Variants in ZPLD1 observed in about 807,000 individuals in gnomAD.
ZPLD1 encodes zona pellucida-like domain-containing protein 1.
In ZPLD1, 34 loss-of-function variants were observed where a neutral mutation model predicts 47.2. That is an observed-to-expected ratio of 0.72 (90% CI 0.55 to 0.96). The LOEUF (loss-of-function observed/expected upper bound fraction) is 0.96. Ranked by LOEUF, ZPLD1 falls within the 40% of genes least tolerant of loss-of-function variation. The pLI is 0.00. For missense variants in ZPLD1, 512 were observed against 505.8 expected (o/e 1.01, Z -0.12); for synonymous variants, 176 against 186.2 (o/e 0.95, Z 0.45).
At chr3:102,392,553 TTCC>T (rs1276203499) in intron 7 of ZPLD1, among the ~76,000 whole-genome samples, 10 of 130,732 alleles carry the variant, frequency 7.6e-5, no homozygotes, top group South Asian at 2.4e-4. Context: ...CCTCCCTTCC[TTCC>T]TCCTTCCTCC....
At chr3:102,452,114 CGTGTGTGTGTGTGT>C (rs56086826) in intron 3 of ZPLD1, among the ~76,000 whole-genome samples, 21,094 of 141,772 alleles carry the variant, frequency 0.15, 1,952 homozygotes, top group Middle Eastern at 0.24. Context: ...ATATGAAGAC[CGTGTGTGTGTGTGT>C]GTGTGTGTGT....
At position 102,386,097 on chromosome 3, in the gene ZPLD1, T is replaced by A. The variant is rs773277481; in HGVS notation, c.-213+780T>A. On this transcript the variant is annotated intron_variant, in intron 6 of 17. Coordinates refer to the ZPLD1 transcript ENST00000491959. Reference sequence around the variant, plus strand: ...CATTTTCTCCACTCCTTGACTGATTTTTTTTCTCCCAATGCAAAACACATA... The same window carrying A: ...CATTTTCTCCACTCCTTGACTGATTATTTTTCTCCCAATGCAAAACACATA... Among the ~76,000 whole-genome samples, 39 of 152,164 alleles carry A rather than the reference T, an allele frequency of 2.6e-4. 1 individual carries two copies. The highest frequency in any genetic ancestry group is 1.0e-4 in the Non-Finnish European group (7 of 68,024).
At chr3:102,436,728 G>C (rs1012092461) in intron 1 of ZPLD1, 132 bp from the exon 2 acceptor site, 1 of 219,548 alleles carries the variant, frequency 4.6e-6, no homozygotes, top group African/African-American at 2.3e-5. Context: ...CTGGCACAAA[G>C]TGCCTTCTTT....
intron 7 of ZPLD1, among the ~76,000 whole-genome samples, chr3:102,401,478 A>T (rs190633015): frequency 6.6e-6 from 1 of 152,082 alleles, no homozygotes; most frequent in Non-Finnish European, 1.5e-5. Context: ...CTCACAGATT[A>T]TGGGCACTCA....
rs987855419 is a variant in ZPLD1, at chr3:102,477,597, A to G, written c.1227A>G (p.Ile409Met). ...CCACAAGTTTAGTGTTGAATGGCAT[A>G]AGAAACCCAGTCTTTGACTGACTAT... The part of the protein sequence containing the change: ...KGPTSLVLNG[I>M]RNPVFD The change falls in exon 12 of 12, where the codon ATA becomes ATG. Residue 409 changes from isoleucine (I) to methionine (M), a missense_variant. Physicochemically the swap from Ile to Met is conservative, Grantham distance 10. Transcript: ENST00000466937. The G allele has an allele frequency of 6.2e-6, 10 of 1,612,928 alleles. No homozygotes were observed. Among genetic ancestry groups the G allele is most frequent in the Admixed American group, 3.3e-5 (2 of 59,848 alleles).
At chr3:102,418,910 T>A (rs1049518624) in intron 8 of ZPLD1, among the ~76,000 whole-genome samples, 3 of 152,066 alleles carry the variant, frequency 2.0e-5, no homozygotes, top group Admixed American at 6.6e-5. Context: ...ATTTCTTGGG[T>A]GATCTCTAAG....
intron 7 of ZPLD1, among the ~76,000 whole-genome samples, chr3:102,407,824 A>G (rs1161058042): frequency 1.3e-5 from 2 of 151,720 alleles, no homozygotes; most frequent in African/African-American, 2.4e-5. Context: ...AGTTATGATT[A>G]TTTATTTATA....
chr3:102,409,786 G>A (rs1439635832), intron 7 of ZPLD1, among the ~76,000 whole-genome samples: 1 of 151,782 alleles, frequency 6.6e-6, no homozygotes, highest in Non-Finnish European at 1.5e-5. Flanking sequence ...GCCTTACCTT[G>A]ATTTCAAGGT....
Position 102,462,357 on chromosome 3 carries a change from A to G in ZPLD1, c.659A>G (p.Gln220Arg). 6.2e-7 allele frequency: 1 copy of G among 1,610,024 alleles called. No individual in the cohort carries two copies. The change falls in exon 7 of 12, where the codon CAA (glutamine) becomes CGA (arginine). Residue 220 changes from glutamine (Q) to arginine (R), a missense_variant. Coordinates refer to ENST00000466937, the MANE Select transcript of ZPLD1 (RefSeq NM_001329788.2). The stretch of plus-strand genomic sequence containing the variant: ...AAAACCAAAGTATTTGCAGCTGTCC[A>G]AGCCACTAATTTGGATGGCAGGTAA... ...PLKTKVFAAVQATNLDGRWNV... is the reference protein window; with the variant it reads ...PLKTKVFAAVRATNLDGRWNV...
intron 1 of ZPLD1, among the ~76,000 whole-genome samples, 180 bp from the exon 2 acceptor site, chr3:102,436,680 T>C (rs73146598): frequency 6.6e-6 from 1 of 152,352 alleles, no homozygotes; most frequent in Non-Finnish European, 1.5e-5. Flanking sequence ...TCACCCATCA[T>C]TATAAAAAAT....
intron 2 of ZPLD1, 128 bp from the exon 3 acceptor site, chr3:102,438,352 G>C (rs192926395): frequency 4.0e-5 from 24 of 600,156 alleles, no homozygotes; most frequent in Non-Finnish European, 7.0e-5. Context: ...CAGTTATTTC[G>C]TGAGCTTTGG....
intron 7 of ZPLD1, among the ~76,000 whole-genome samples, chr3:102,394,813 G>A (rs138730954): frequency 3.0e-3 from 461 of 152,230 alleles, no homozygotes; most frequent in African/African-American, 0.01. Flanking sequence ...GTACAATATG[G>A]AAAGAAATTG....
At chr3:102,461,075 CT>C (rs1305386008) in intron 6 of ZPLD1, among the ~76,000 whole-genome samples, 2 of 151,824 alleles carry the variant, frequency 1.3e-5, no homozygotes, top group East Asian at 1.9e-4. Flanking sequence ...TTCGTATTAA[CT>C]TTTTTTCCAA....
chr3:102,440,209 T>C (rs1707154665), intron 3 of ZPLD1, among the ~76,000 whole-genome samples: 2 of 152,220 alleles, frequency 1.3e-5, no homozygotes, highest in African/African-American at 4.8e-5. Flanking sequence ...TTTAAGAGGT[T>C]TGATGTGGTC....
chr3:102,456,461 G>A, intron 5 of ZPLD1, 87 bp downstream of exon 5: 3 of 1,164,828 alleles, frequency 2.6e-6, no homozygotes, highest in Non-Finnish European at 3.7e-6. Flanking sequence ...AAGATAGCAG[G>A]ATTTATTAAA....
At chr3:102,425,433 A>T (rs1194258125) in intron 8 of ZPLD1, among the ~76,000 whole-genome samples, 1 of 152,182 alleles carries the variant, frequency 6.6e-6, no homozygotes, top group Non-Finnish European at 1.5e-5. Context: ...TTTATTAGTT[A>T]TAATGCAACA....
At chr3:102,472,641 T>C (rs926111890) in intron 10 of ZPLD1, among the ~76,000 whole-genome samples, 3 of 152,204 alleles carry the variant, frequency 2.0e-5, no homozygotes, top group African/African-American at 7.2e-5. Flanking sequence ...AACTCAGTTC[T>C]TGTTGCCAAA....
intron 8 of ZPLD1, among the ~76,000 whole-genome samples, chr3:102,425,202 T>C (rs1706929299): frequency 6.6e-6 from 1 of 152,136 alleles, no homozygotes; most frequent in Admixed American, 6.5e-5. Context: ...TAAACAGCTA[T>C]TGTCATTCAA....
At chr3:102,410,835 G>C (rs1297742341) in intron 7 of ZPLD1, among the ~76,000 whole-genome samples, 2 of 151,804 alleles carry the variant, frequency 1.3e-5, no homozygotes, top group Non-Finnish European at 2.9e-5. Flanking sequence ...ACATGCCTGT[G>C]TTCACAGAGA....
Sources: gnomAD v4.1 joint callset for allele counts (sites outside exome capture counted in the v4.1 genomes callset) on GRCh38, gnomAD v4.1.1 for gene constraint, MANE v1.5 for transcripts, NCBI Gene and HGNC (gene_info 2026-07-23, HGNC 2026-07-21) for gene names.